Variants in NCKAP5 observed in about 807,000 individuals in gnomAD.
NCKAP5 encodes the protein NCK associated protein 5.
Under a neutral mutation model 167.0 loss-of-function variants are expected in NCKAP5, and 92 were observed. The ratio of observed to expected loss-of-function variants is 0.55; its 90% CI spans 0.47 to 0.66. The LOEUF is 0.66. Ranked by LOEUF, NCKAP5 falls within the 30% of genes least tolerant of loss-of-function variation. The probability of loss-of-function intolerance (pLI) is 0.00; values close to 1 mark genes in which losing one functional copy is unlikely to be tolerated. For missense variants in NCKAP5, 2,378 were observed against 2,315.0 expected (o/e 1.03, Z -0.56); for synonymous variants, 891 against 877.4 (o/e 1.02, Z -0.27).
intron 2 of NCKAP5, among the ~76,000 whole-genome samples, chr2:133,553,473 TA>T (rs1383254550): frequency 4.6e-5 from 7 of 152,096 alleles, no homozygotes; most frequent in Admixed American, 3.9e-4. Flanking sequence ...GATTTGGAAA[TA>T]GGGGTTGAAA....
chr2:132,843,161 T>A (rs967713076), intron 11 of NCKAP5, among the ~76,000 whole-genome samples: 33 of 152,328 alleles, frequency 2.2e-4, no homozygotes, highest in Admixed American at 1.3e-3. Context: ...ATAAGTACAA[T>A]GAATATACCT....
chr2:133,229,652 A>T (rs2087052155), intron 4 of NCKAP5, among the ~76,000 whole-genome samples: 1 of 152,164 alleles, frequency 6.6e-6, no homozygotes, highest in African/African-American at 2.4e-5. Context: ...AGAGAGATTA[A>T]GTATCTTCCA....
intron 11 of NCKAP5, among the ~76,000 whole-genome samples, chr2:132,819,222 T>G (rs544943876): frequency 6.6e-6 from 1 of 152,180 alleles, no homozygotes; most frequent in Non-Finnish European, 1.5e-5. Flanking sequence ...TGAACAGGAA[T>G]GGGTGAATTT....
At chr2:133,620,662 C>T in the NCKAP5 span, among the ~76,000 whole-genome samples, 1 of 152,024 alleles carries the variant, frequency 6.6e-6, no homozygotes. Flanking sequence ...GACAGCAATA[C>T]AATGATAGCG....
chr2:132,736,974 T>C (rs1294993135), intron 16 of NCKAP5, among the ~76,000 whole-genome samples: 1 of 152,208 alleles, frequency 6.6e-6, no homozygotes, highest in African/African-American at 2.4e-5. Flanking sequence ...GTCAACCCTC[T>C]CACCTGTTCC....
chr2:133,110,299 T>G (rs2149712815), intron 6 of NCKAP5, among the ~76,000 whole-genome samples: 1 of 152,320 alleles, frequency 6.6e-6, no homozygotes, highest in Admixed American at 6.5e-5. Flanking sequence ...TCCTGGATTA[T>G]TTCTAAAATC....
At chr2:133,173,277 T>TG (rs1245111881) in intron 5 of NCKAP5, among the ~76,000 whole-genome samples, 2 of 152,194 alleles carry the variant, frequency 1.3e-5, no homozygotes, top group East Asian at 3.9e-4. Context: ...ATTTCAACTC[T>TG]GGGGGGAGCT....
chr2:133,499,232 A>G (rs1682255763), intron 3 of NCKAP5, among the ~76,000 whole-genome samples: 1 of 152,236 alleles, frequency 6.6e-6, no homozygotes, highest in East Asian at 1.9e-4. Context: ...ACCCAGTACC[A>G]AATTGGTAAA....
intron 3 of NCKAP5, among the ~76,000 whole-genome samples, chr2:133,348,003 A>G (rs1219121798): frequency 1.3e-5 from 2 of 152,242 alleles, no homozygotes; most frequent in African/African-American, 4.8e-5. Context: ...GGCAGGAGAC[A>G]CAGAAAACTG....
rs575644862 is a variant in NCKAP5, at chr2:133,481,778, G to C, written c.69+35680C>G. Among the ~76,000 whole-genome samples the C allele has an allele frequency of 2.0e-5, 3 of 152,206 alleles. No individual in the cohort carries two copies. In the South Asian group the frequency reaches 6.2e-4, roughly 32 times the overall value. On this transcript the variant is annotated intron_variant, in intron 3 of 19. Transcript: ENST00000409261. ...AGGACATGATCTCATTCTTTTTTAT[G>C]CCTCCATAGTATTTCATGGTGTGTA...
At chr2:133,249,889 T>C (rs2088212699) in intron 4 of NCKAP5, among the ~76,000 whole-genome samples, 1 of 151,804 alleles carries the variant, frequency 6.6e-6, no homozygotes, top group Non-Finnish European at 1.5e-5. Context: ...GGCAGTATCC[T>C]GGAGAAAGGA....
intron 6 of NCKAP5, among the ~76,000 whole-genome samples, chr2:133,126,607 T>G (rs937316065): frequency 4.6e-5 from 7 of 152,234 alleles, no homozygotes; most frequent in African/African-American, 1.7e-4. Context: ...TGCACCATTT[T>G]GGGCCACGTC....
the NCKAP5 span, among the ~76,000 whole-genome samples, chr2:133,648,069 A>G: frequency 6.6e-6 from 1 of 152,224 alleles, no homozygotes; most frequent in East Asian, 1.9e-4. Flanking sequence ...AATGGTAACC[A>G]AAAGACAACA....
intron 6 of NCKAP5, among the ~76,000 whole-genome samples, chr2:133,019,998 A>G (rs2078470460): frequency 6.6e-6 from 1 of 152,200 alleles, no homozygotes; most frequent in Non-Finnish European, 1.5e-5. Flanking sequence ...GCCAGTTGTT[A>G]CCTCCACACA....
At chr2:133,674,138 A>G in the NCKAP5 span, among the ~76,000 whole-genome samples, 1 of 152,146 alleles carries the variant, frequency 6.6e-6, no homozygotes, top group African/African-American at 2.4e-5. Flanking sequence ...CAGCTTCTCC[A>G]GTGAATATCA....
At chr2:133,027,463 A>T (rs1166575024) in intron 6 of NCKAP5, among the ~76,000 whole-genome samples, 1 of 152,222 alleles carries the variant, frequency 6.6e-6, no homozygotes. Context: ...CAATAATTAG[A>T]TGAAGCACGT....
At chr2:133,285,754 T>C (rs1451222734) in intron 4 of NCKAP5, among the ~76,000 whole-genome samples, 2 of 152,234 alleles carry the variant, frequency 1.3e-5, no homozygotes, top group East Asian at 3.8e-4. Flanking sequence ...ACCCAAAAGT[T>C]AAATTCACTT....
At chr2:133,106,691 C>T (rs918575813) in intron 6 of NCKAP5, among the ~76,000 whole-genome samples, 5 of 152,110 alleles carry the variant, frequency 3.3e-5, no homozygotes, top group African/African-American at 1.2e-4. Flanking sequence ...GTAAAAACAG[C>T]AGTTTTTAAA....
intron 11 of NCKAP5, among the ~76,000 whole-genome samples, chr2:132,834,383 C>T (rs564507367): frequency 4.7e-4 from 71 of 152,180 alleles, no homozygotes; most frequent in Non-Finnish European, 8.5e-4. Context: ...CTTGCTCTGT[C>T]GCCCAGGCTG....
Sources: allele counts gnomAD v4.1 joint callset (sites outside exome capture counted in the v4.1 genomes callset), GRCh38; gene constraint gnomAD v4.1.1; transcripts MANE v1.5; gene names NCBI Gene and HGNC (gene_info 2026-07-23, HGNC 2026-07-21).